ZSCAN31: variants seen among roughly 807,000 people sequenced by gnomAD.
ZSCAN31 encodes zinc finger and SCAN domain-containing protein 31.
A neutral mutation model predicts 22.5 loss-of-function variants in ZSCAN31; 14 were observed. That is an observed-to-expected ratio of 0.62 (90% CI 0.41 to 0.97). The LOEUF (loss-of-function observed/expected upper bound fraction) is 0.97, where lower values mean the gene tolerates loss of function less well. Among genes scored for constraint, ZSCAN31 ranks in the 50% least tolerant of loss-of-function variants. The probability of loss-of-function intolerance (pLI) is 0.00; values close to 1 mark genes in which losing one functional copy is unlikely to be tolerated. For synonymous variants in ZSCAN31, 168 were observed against 169.8 expected, an observed-to-expected ratio of 0.99 and a Z score of 0.08; for missense variants, 424 against 483.4, an observed-to-expected ratio of 0.88 and a Z score of 1.15.
At position 28,345,122 on chromosome 6, in the gene ZSCAN31, G is replaced by C. The variant is rs539454799; in HGVS notation, c.-370-3330C>G. On this transcript the variant is annotated intron_variant, in intron 2 of 7. Coordinates refer to the ZSCAN31 transcript ENST00000396838. ...ATTGCACCATTGCACTCCAACCCAGGCAACGCAGTGAAACTGTGTCTCAAA... is the reference window on the plus strand; with the variant it reads ...ATTGCACCATTGCACTCCAACCCAGCCAACGCAGTGAAACTGTGTCTCAAA... Among the ~76,000 whole-genome samples the C allele has an allele frequency of 3.5e-5, 5 of 143,306 alleles. No individual in the cohort carries two copies. In the South Asian group the frequency reaches 1.1e-3, roughly 31 times the overall value. 94.0% of individuals were successfully genotyped at this position (143,306 alleles called of 152,430 possible).
Position 28,351,365 on chromosome 6 carries a change from G to C in ZSCAN31, c.-371+2497C>G, listed in dbSNP as rs1765004106. Among the ~76,000 whole-genome samples the C allele has an allele frequency of 6.6e-6, 1 of 152,160 alleles. No homozygotes were observed. The highest frequency in any genetic ancestry group is 6.5e-5 in the Admixed American group (1 of 15,272). On this transcript the variant is annotated intron_variant, in intron 2 of 7. Transcript: ENST00000396838. This position sits in a 1 kb window ranked among gnomAD's most constrained non-coding sequence, Gnocchi z 4.6. The stretch of plus-strand genomic sequence containing the variant: ...CCCTCCTCATTCCACTTGGGCTCCA[G>C]ATTCACTCTGGGTTGGGCTGTGGCT...
At position 28,347,391 on chromosome 6, in the gene ZSCAN31, A is replaced by G. The variant is rs1391449141; in HGVS notation, c.-370-5599T>C. 6.6e-6 allele frequency among the ~76,000 whole-genome samples: 1 copy of G among 152,160 alleles called. No homozygotes were observed. The highest frequency in any genetic ancestry group is 1.5e-5 in the Non-Finnish European group (1 of 68,030). On this transcript the variant is annotated intron_variant, in intron 2 of 7. Transcript: ENST00000396838. This position sits in a 1 kb window ranked among gnomAD's most constrained non-coding sequence, Gnocchi z 5.2. ...TCCTTCAGATCTTGGCCAGAATGTC[A>G]CTAGACTTACACCATCTTATTTGTA...
At chr6:28,348,708 G>A (rs1046959631) in intron 2 of ZSCAN31, among the ~76,000 whole-genome samples, 2 of 152,064 alleles carry the variant, frequency 1.3e-5, no homozygotes, top group African/African-American at 2.4e-5. Flanking sequence ...TCTCGGATTC[G>A]TGACTCTTTC....
At position 28,326,630 on chromosome 6, in the gene ZSCAN31, CTGAACTCTTAG is replaced by C. The variant is rs1763296425; in HGVS notation, c.746_756del (p.Thr249SerfsTer4). The stretch of plus-strand genomic sequence containing the variant: ...TGGATTCTCTGGTGCTCAATGAGTA[CTGAACTCTTAG>C]TGAAGCTTTTCCCACATTCATTGCA... On this transcript the variant is annotated frameshift_variant, in exon 4 of 4. Coordinates refer to ENST00000344279, the MANE Select transcript of ZSCAN31 (RefSeq NM_030899.5). LOFTEE classifies it low-confidence loss of function (END_TRUNC). 1 of 1,614,036 alleles carries C rather than the reference CTGAACTCTTAG, an allele frequency of 6.2e-7. No homozygotes were observed.
chr6:28,343,995 A>T (rs1003187671), intron 2 of ZSCAN31, among the ~76,000 whole-genome samples: 1 of 152,170 alleles, frequency 6.6e-6, no homozygotes, highest in Non-Finnish European at 1.5e-5. Context: ...GGGCTATGTT[A>T]TCTCTCCTGC....
At chr6:28,352,125 G>A (rs1005822750) in intron 2 of ZSCAN31, among the ~76,000 whole-genome samples, 2 of 151,984 alleles carry the variant, frequency 1.3e-5, no homozygotes, top group African/African-American at 4.8e-5. Context: ...TGGTAAAAAT[G>A]CCATTTATTT....
In ZSCAN31 at chr6:28,326,827, T is replaced by G. The variant is rs747185040; in HGVS notation, c.560A>C (p.Glu187Ala). Residue 187 changes from glutamate to alanine, a missense_variant, in exon 4 of 4, where the codon GAG becomes GCG. Physicochemically the swap from Glu to Ala is moderately radical, Grantham distance 107 (BLOSUM62 -1). Coordinates refer to ENST00000344279, the MANE Select transcript of ZSCAN31 (RefSeq NM_030899.5). ...TAAGATTTCTTGCTTTGATGCCAAC[T>G]CCTGGTTCTCAGGTATACTTTCACC... ...QDGESIPENQELASKQEILKE... is the reference protein window; with the variant it reads ...QDGESIPENQALASKQEILKE... 9 of 1,611,928 alleles carry G rather than the reference T, an allele frequency of 5.6e-6. No individual in the cohort carries two copies. Among genetic ancestry groups the G allele is most frequent in the Non-Finnish European group, 1.7e-6 (2 of 1,179,722 alleles).
chr6:28,351,638 TC>T lies in ZSCAN31; in HGVS notation c.-371+2223del, dbSNP rs1765023630. Among the ~76,000 whole-genome samples the T allele has an allele frequency of 6.6e-6, 1 of 151,570 alleles. No homozygotes were observed. Among genetic ancestry groups the T allele is most frequent in the Non-Finnish European group, 1.5e-5 (1 of 67,896 alleles). On this transcript the variant is annotated intron_variant, in intron 2 of 7. Transcript: ENST00000396838. This position sits in a 1 kb window ranked among gnomAD's most constrained non-coding sequence, Gnocchi z 4.6. ...TCTTTCCTTCCCTTCTCCTCCTCCT[TC>T]CCTTTTGTCTCCCTCCTTCCCTTTT...
chr6:28,330,246 T>A (rs1490285502), intron 1 of ZSCAN31, among the ~76,000 whole-genome samples: 1 of 151,804 alleles, frequency 6.6e-6, no homozygotes, highest in South Asian at 2.1e-4. Context: ...CTGCCAGACA[T>A]GTGAGCAGGC....
chr6:28,326,155 ACT>A lies in ZSCAN31; in HGVS notation c.*9_*10del, dbSNP rs1250955764. The stretch of plus-strand genomic sequence containing the variant: ...CAATGATGACTGAAGGCTTTCCCAA[ACT>A]CATCACCCTTATGGTCTCTCTCCAG... On this transcript the variant is annotated 3_prime_UTR_variant, in exon 4 of 4. Coordinates refer to ENST00000344279, the MANE Select transcript of ZSCAN31 (RefSeq NM_030899.5). 5.7e-6 allele frequency: 9 copies of A among 1,587,286 alleles called. No homozygotes were observed. Among genetic ancestry groups the A allele is most frequent in the Non-Finnish European group, 6.0e-6 (7 of 1,164,422 alleles).
rs1483305884 is a variant in ZSCAN31 at position 28,329,397 on chromosome 6, T to A, written c.287A>T (p.Gln96Leu). ...QFLTILPEEL[Q>L]AWVREHHPES... is the part of the protein sequence containing the mutation. Reference sequence around the variant, plus strand: ...CGGATGGTGCTCCCGCACCCAGGCCTGGAGCTCCTCAGGCAGGATAGTCAG... The same window carrying A: ...CGGATGGTGCTCCCGCACCCAGGCCAGGAGCTCCTCAGGCAGGATAGTCAG... Residue 96 changes from glutamine (Q) to leucine (L), a missense_variant, in exon 2 of 4, where the codon CAG becomes CTG. Gln to Leu is a moderately radical substitution (Grantham distance 113, BLOSUM62 -2). Transcript: ENST00000344279. The A allele has an allele frequency of 6.2e-7, 1 of 1,614,242 alleles. No homozygotes were observed. Among genetic ancestry groups the A allele is most frequent in the Non-Finnish European group, 8.5e-7 (1 of 1,180,046 alleles).
Position 28,326,035 on chromosome 6 carries a change from C to G in ZSCAN31, c.*131G>C. The stretch of plus-strand genomic sequence containing the variant: ...CAGAATAAGCCACTTGAAAATCTTA[C>G]TTTCCAAGACGGCCCCATTTAGGGG... On this transcript the variant is annotated 3_prime_UTR_variant, in exon 4 of 4. Transcript: ENST00000344279. 1 of 843,756 alleles carries G rather than the reference C, an allele frequency of 1.2e-6. No homozygotes were observed. The highest frequency in any genetic ancestry group is 1.9e-6 in the Non-Finnish European group (1 of 538,596). 52.3% of individuals were successfully genotyped at this position (843,756 alleles called of 1,614,324 possible).
At chr6:28,339,293 A>G (rs973440689), upstream of ZSCAN31, among the ~76,000 whole-genome samples, 11 of 152,054 alleles carry the variant, frequency 7.2e-5, no homozygotes, top group African/African-American at 2.7e-4. Flanking sequence ...ACATTCCATT[A>G]ATTTTTTTTG....
rs1360700369 is a variant in ZSCAN31, at chr6:28,331,423, A to G, written c.-95-1645T>C. On this transcript the variant is annotated intron_variant, in intron 1 of 3. Transcript: ENST00000344279. The surrounding 1 kb of genome is among the most constrained non-coding windows in gnomAD (Gnocchi z 4.8). ...CATTTATTCAATTCATTCCAATATT[A>G]TGTGTCTACTAGGTGTCTGGAATAA... Among the ~76,000 whole-genome samples the G allele has an allele frequency of 6.6e-6, 1 of 152,172 alleles. No homozygotes were observed. Among genetic ancestry groups the G allele is most frequent in the African/African-American group, 2.4e-5 (1 of 41,430 alleles).
exon 2 of ZSCAN31, chr6:28,353,916 T>C (rs1363457173): frequency 2.2e-6 from 1 of 455,638 alleles, no homozygotes; most frequent in East Asian, 6.9e-5. Context: ...AGGGGAGTTG[T>C]TGGATGGGTG....
chr6:28,342,023 G>A (rs1394663974), intron 2 of ZSCAN31, among the ~76,000 whole-genome samples: 1 of 152,144 alleles, frequency 6.6e-6, no homozygotes, highest in African/African-American at 2.4e-5. Flanking sequence ...GAGGACCACA[G>A]ATGCATTGGA....
At chr6:28,352,500 C>T (rs1453488507) in intron 2 of ZSCAN31, among the ~76,000 whole-genome samples, 1 of 152,150 alleles carries the variant, frequency 6.6e-6, no homozygotes, top group Non-Finnish European at 1.5e-5. Flanking sequence ...AAATCTGCCT[C>T]AGCCTCCCAA....
chr6:28,338,427 A>G (rs1210924728), upstream of ZSCAN31, among the ~76,000 whole-genome samples: 1 of 152,170 alleles, frequency 6.6e-6, no homozygotes, highest in Non-Finnish European at 1.5e-5. Flanking sequence ...CATTCTTTAC[A>G]TCACATTACA....
chr6:28,346,754 T>A (rs1234318062), intron 2 of ZSCAN31, among the ~76,000 whole-genome samples: 1 of 152,104 alleles, frequency 6.6e-6, no homozygotes, highest in Non-Finnish European at 1.5e-5. Flanking sequence ...CAAGGTAAAC[T>A]ACCTAAATGA....
Sources: gnomAD v4.1 joint callset for allele counts (sites outside exome capture counted in the v4.1 genomes callset) on GRCh38, gnomAD v4.1.1 for gene constraint, Gnocchi (gnomAD v3.1) non-coding constraint, MANE v1.5 for transcripts, NCBI Gene and HGNC (gene_info 2026-07-23, HGNC 2026-07-21) for gene names.